Variants in LHFPL3 observed in about 807,000 individuals in gnomAD.
The protein encoded by LHFPL3 is LHFPL tetraspan subfamily member 3 protein.
LHFPL3 carries 5 observed loss-of-function variants against 19.3 expected under a neutral mutation model. The ratio of observed to expected loss-of-function variants is 0.26; its 90% CI spans 0.14 to 0.54. The LOEUF (loss-of-function observed/expected upper bound fraction) is 0.54, where lower values mean the gene tolerates loss of function less well. LHFPL3 is among the 20% of genes least tolerant of loss of function. The probability of loss-of-function intolerance (pLI) is 0.94; values close to 1 mark genes in which losing one functional copy is unlikely to be tolerated. For synonymous variants in LHFPL3, 133 were observed against 126.2 expected (o/e 1.05, Z -0.36); for missense variants, 249 against 307.4 (o/e 0.81, Z 1.42).
chr7:104,574,278 G>T (rs1790281843), intron 1 of LHFPL3, among the ~76,000 whole-genome samples: 1 of 152,204 alleles, frequency 6.6e-6, no homozygotes, highest in African/African-American at 2.4e-5. Flanking sequence ...TGTCACATCA[G>T]TCCACCAGCA....
At chr7:104,509,720 C>A (rs1793774093) in intron 1 of LHFPL3, among the ~76,000 whole-genome samples, 1 of 151,940 alleles carries the variant, frequency 6.6e-6, no homozygotes, top group East Asian at 1.9e-4. Flanking sequence ...AACATAGTGC[C>A]AGAAGCTGTA....
chr7:104,474,154 C>G (rs1321473853), intron 1 of LHFPL3, among the ~76,000 whole-genome samples: 4 of 152,124 alleles, frequency 2.6e-5, no homozygotes, highest in Non-Finnish European at 5.9e-5. Context: ...CCAAGTCCAC[C>G]AATTGTATAA....
chr7:104,834,884 G>A (rs768126946), intron 2 of LHFPL3, among the ~76,000 whole-genome samples: 3 of 152,010 alleles, frequency 2.0e-5, no homozygotes, highest in Non-Finnish European at 4.4e-5. Flanking sequence ...TGTAACCTTG[G>A]AGAGGTAGAG....
At chr7:104,787,132 C>G (rs1200316071) in intron 2 of LHFPL3, among the ~76,000 whole-genome samples, 1 of 152,180 alleles carries the variant, frequency 6.6e-6, no homozygotes, top group Non-Finnish European at 1.5e-5. Context: ...CATTGAGAAC[C>G]TCTCAGAAAA....
chr7:104,880,880 A>T, intron 2 of LHFPL3, among the ~76,000 whole-genome samples: 1 of 152,180 alleles, frequency 6.6e-6, no homozygotes, highest in East Asian at 1.9e-4. Context: ...TTTAAGAAAT[A>T]CTTTGTGTGG....
intron 1 of LHFPL3, among the ~76,000 whole-genome samples, chr7:104,487,150 G>A (rs1235676872): frequency 6.6e-6 from 1 of 152,022 alleles, no homozygotes; most frequent in African/African-American, 2.4e-5. Flanking sequence ...ATGTGACTAA[G>A]TGAAATGATG....
chr7:104,892,262 A>G (rs1218130654), intron 2 of LHFPL3, among the ~76,000 whole-genome samples: 3 of 152,234 alleles, frequency 2.0e-5, no homozygotes, highest in African/African-American at 7.2e-5. Context: ...AACATGGAAG[A>G]TGGTAGAATG....
intron 1 of LHFPL3, among the ~76,000 whole-genome samples, chr7:104,553,841 C>G (rs1794706813): frequency 6.6e-6 from 1 of 152,146 alleles, no homozygotes; most frequent in African/African-American, 2.4e-5. Context: ...CCAGAGGAAT[C>G]CTTCTTTTGC....
Position 104,536,104 on chromosome 7 carries a change from T to C in LHFPL3, c.446-200571T>C, listed in dbSNP as rs138183829. On this transcript the variant is annotated intron_variant, in intron 1 of 2. Transcript: ENST00000424859. Reference sequence around the variant, plus strand: ...CTGCACAGAGGGCAGAGTACACACTTTGTAATTATAAGGGAGAACCAAACT... The same window carrying C: ...CTGCACAGAGGGCAGAGTACACACTCTGTAATTATAAGGGAGAACCAAACT... 8.2e-3 allele frequency among the ~76,000 whole-genome samples: 1,250 copies of C among 152,346 alleles called. 15 individuals are homozygous for C. Among genetic ancestry groups the C allele is most frequent in the Non-Finnish European group, 0.014 (966 of 68,028 alleles).
intron 2 of LHFPL3, chr7:104,845,497 T>G: frequency 1.3e-6 from 2 of 1,505,604 alleles, no homozygotes; most frequent in East Asian, 5.1e-5. Context: ...TTCCCGCATG[T>G]TTTCTCCGCT....
intron 1 of LHFPL3, among the ~76,000 whole-genome samples, chr7:104,405,887 T>A (rs1791403678): frequency 6.6e-6 from 1 of 151,972 alleles, no homozygotes; most frequent in Non-Finnish European, 1.5e-5. Context: ...CTCCTAAGAG[T>A]GTTGATGTAG....
chr7:104,438,225 C>G (rs1792150104), intron 1 of LHFPL3, among the ~76,000 whole-genome samples: 1 of 152,226 alleles, frequency 6.6e-6, no homozygotes, highest in South Asian at 2.1e-4. Flanking sequence ...TTCTGTTACA[C>G]CATGCACTTT....
intron 1 of LHFPL3, among the ~76,000 whole-genome samples, chr7:104,360,478 G>A (rs1330165339): frequency 1.3e-5 from 2 of 152,164 alleles, no homozygotes; most frequent in African/African-American, 2.4e-5. Context: ...CCAGAGGGAG[G>A]AAACTGAGCA....
rs149242823 is a variant in LHFPL3 at position 104,565,865 on chromosome 7, C to T, written c.446-170810C>T. ...TGTTCGATTAGTCAACAGAAACTCTCGGCTCCCATCCTGGAGTAACCATTG... is the reference window on the plus strand; with the variant it reads ...TGTTCGATTAGTCAACAGAAACTCTTGGCTCCCATCCTGGAGTAACCATTG... On this transcript the variant is annotated intron_variant, in intron 1 of 2. Coordinates refer to ENST00000424859, the MANE Select transcript of LHFPL3 (RefSeq NM_199000.3). Among the ~76,000 whole-genome samples, 323 of 152,140 alleles carry T rather than the reference C, an allele frequency of 2.1e-3. 3 individuals carry two copies. The highest frequency in any genetic ancestry group is 7.1e-3 in the African/African-American group (296 of 41,504).
intron 1 of LHFPL3, among the ~76,000 whole-genome samples, chr7:104,637,036 C>T (rs544954379): frequency 4.6e-5 from 7 of 152,248 alleles, no homozygotes; most frequent in East Asian, 1.9e-4. Context: ...TTCACAACCT[C>T]GCTAGCATCT....
intron 2 of LHFPL3, among the ~76,000 whole-genome samples, chr7:104,852,856 C>A (rs1195540542): frequency 6.8e-6 from 1 of 146,480 alleles, no homozygotes; most frequent in Non-Finnish European, 1.5e-5. Context: ...TCCCTCCACC[C>A]TCTTCCCAGT....
chr7:104,448,661 C>T (rs1792375774), intron 1 of LHFPL3, among the ~76,000 whole-genome samples: 1 of 152,102 alleles, frequency 6.6e-6, no homozygotes, highest in Non-Finnish European at 1.5e-5. Context: ...ATGTAAAAAT[C>T]ACTTAGTGTG....
At chr7:104,592,509 C>T (rs1439804364) in intron 1 of LHFPL3, among the ~76,000 whole-genome samples, 1 of 152,076 alleles carries the variant, frequency 6.6e-6, no homozygotes, top group Non-Finnish European at 1.5e-5. Flanking sequence ...AGGTGTCAGT[C>T]GGCCCCTACT....
At chr7:104,464,779 A>T (rs1361743552) in intron 1 of LHFPL3, among the ~76,000 whole-genome samples, 1 of 152,114 alleles carries the variant, frequency 6.6e-6, no homozygotes, top group Admixed American at 6.6e-5. Context: ...TTTCCCTCCT[A>T]GGCCTCTGGG....
Sources: allele counts gnomAD v4.1 joint callset (sites outside exome capture counted in the v4.1 genomes callset), GRCh38; gene constraint gnomAD v4.1.1; transcripts MANE v1.5; gene names NCBI Gene and HGNC (gene_info 2026-07-23, HGNC 2026-07-21).